PAK5: variants seen among roughly 807,000 people sequenced by gnomAD.
PAK5 encodes p21 (RAC1) activated kinase 5, also known as serine/threonine-protein kinase PAK 5.
In PAK5, 16 loss-of-function variants were observed where a neutral mutation model predicts 65.9. The observed-to-expected ratio is 0.24, with a 90% CI of 0.16 to 0.37. The LOEUF is 0.37. PAK5 is among the 10% of genes least tolerant of loss of function. The pLI is 1.00. For missense variants in PAK5, 785 were observed against 903.9 expected (o/e 0.87, Z 1.69); for synonymous variants, 371 against 354.9 (o/e 1.05, Z -0.51).
At chr20:9,640,897 G>A (rs562566706) in intron 3 of PAK5, among the ~76,000 whole-genome samples, 5 of 152,190 alleles carry the variant, frequency 3.3e-5, no homozygotes, top group African/African-American at 7.2e-5. Flanking sequence ...GTGTGGCCCC[G>A]AAGAGTGAGC....
intron 2 of PAK5, among the ~76,000 whole-genome samples, chr20:9,669,378 C>T (rs73241000): frequency 0.011 from 1,633 of 152,044 alleles, 19 homozygotes; most frequent in African/African-American, 0.037. Context: ...ACTGAATTTC[C>T]CTTTTTAACT....
intron 3 of PAK5, among the ~76,000 whole-genome samples, chr20:9,638,840 G>T (rs1018902511): frequency 1.3e-5 from 2 of 152,122 alleles, no homozygotes; most frequent in Non-Finnish European, 2.9e-5. Flanking sequence ...TTTCCACTCG[G>T]AACTAGCTTG....
At chr20:9,641,870 C>CT (rs1245311759) in intron 3 of PAK5, among the ~76,000 whole-genome samples, 8 of 152,292 alleles carry the variant, frequency 5.3e-5, no homozygotes, top group Non-Finnish European at 7.4e-5. Flanking sequence ...GCAGGGCTGG[C>CT]TGGGTGCTCC....
In PAK5 at chr20:9,537,868, T is replaced by C. The variant is rs1049182516; in HGVS notation, c.*1594A>G. The C allele has an allele frequency of 6.1e-5, 14 of 228,456 alleles. No individual in the cohort carries two copies. Among genetic ancestry groups the C allele is most frequent in the Admixed American group, 1.7e-4 (3 of 17,620 alleles). 14.2% of individuals were successfully genotyped at this position (228,456 alleles called of 1,614,324 possible). ...ATCTAATCAGTAGAAGGTCATTTTA[T>C]GCCTTTTTTCCTTTTTAGCAGTGAT... is the stretch of plus-strand genomic sequence containing the variant. On this transcript the variant is annotated 3_prime_UTR_variant, in exon 10 of 10. Transcript: ENST00000353224.
intron 7 of PAK5, among the ~76,000 whole-genome samples, chr20:9,549,555 T>G (rs1008580461): frequency 1.3e-5 from 2 of 152,118 alleles, no homozygotes; most frequent in African/African-American, 4.8e-5. Flanking sequence ...AAAACAGGTG[T>G]AGACATGCTG....
intron 8 of PAK5, among the ~76,000 whole-genome samples, chr20:9,543,208 G>A (rs528753206): frequency 6.6e-6 from 1 of 152,084 alleles, no homozygotes; most frequent in Non-Finnish European, 1.5e-5. Context: ...CCCCTACTTT[G>A]GGATTTCCTT....
At chr20:9,703,944 G>A (rs538865697) in intron 2 of PAK5, among the ~76,000 whole-genome samples, 18 of 152,272 alleles carry the variant, frequency 1.2e-4, no homozygotes, top group Non-Finnish European at 2.2e-4. Context: ...TAAGGCACCT[G>A]CTTCAGGTGA....
intron 1 of PAK5, among the ~76,000 whole-genome samples, chr20:9,728,187 C>T (rs902273396): frequency 2.0e-5 from 3 of 151,898 alleles, no homozygotes; most frequent in African/African-American, 7.3e-5. Flanking sequence ...CCATTCCTTC[C>T]ACCACATGAA....
chr20:9,669,660 C>T (rs373027369), intron 2 of PAK5, among the ~76,000 whole-genome samples: 55 of 152,234 alleles, frequency 3.6e-4, no homozygotes, highest in Middle Eastern at 3.4e-3. Context: ...TGGCCACAAG[C>T]TAATTCCAAT....
chr20:9,701,639 A>T (rs1000085704), intron 2 of PAK5, among the ~76,000 whole-genome samples: 13 of 152,174 alleles, frequency 8.5e-5, no homozygotes, highest in African/African-American at 2.9e-4. Context: ...GGTAGTATGC[A>T]GTCTAGGTAA....
chr20:9,734,550 ATG>A (rs2123563896), intron 1 of PAK5, among the ~76,000 whole-genome samples: 1 of 140,904 alleles, frequency 7.1e-6, no homozygotes, highest in East Asian at 2.1e-4. Flanking sequence ...ACACGCGCAC[ATG>A]CACACACACA....
At chr20:9,713,223 A>G (rs952119236) in intron 1 of PAK5, among the ~76,000 whole-genome samples, 7 of 152,204 alleles carry the variant, frequency 4.6e-5, no homozygotes, top group Admixed American at 2.0e-4. Flanking sequence ...ACATTTCTCA[A>G]AAGAAGACAT....
intron 2 of PAK5, among the ~76,000 whole-genome samples, chr20:9,686,591 T>C (rs1230126014): frequency 6.6e-6 from 1 of 152,092 alleles, no homozygotes; most frequent in Non-Finnish European, 1.5e-5. Flanking sequence ...CCTTCTATGA[T>C]TACAGCTCCT....
intron 2 of PAK5, among the ~76,000 whole-genome samples, chr20:9,687,891 G>GTGTC (rs1185655559): frequency 7.4e-6 from 1 of 135,386 alleles, no homozygotes; most frequent in African/African-American, 3.3e-5. Flanking sequence ...AGGGAGGTGT[G>GTGTC]TGTGTGTGTG....
intron 3 of PAK5, among the ~76,000 whole-genome samples, chr20:9,628,232 C>T (rs573617425): frequency 6.6e-6 from 1 of 152,164 alleles, no homozygotes; most frequent in East Asian, 1.9e-4. Context: ...ATATCCACTT[C>T]TAACAGATGA....
chr20:9,541,901 G>A (rs1047482454), intron 9 of PAK5, among the ~76,000 whole-genome samples: 3 of 152,134 alleles, frequency 2.0e-5, no homozygotes, highest in Non-Finnish European at 2.9e-5. Flanking sequence ...TCTCTCTCCT[G>A]CCACCATGTA....
At chr20:9,602,455 C>T (rs548353483) in intron 3 of PAK5, among the ~76,000 whole-genome samples, 1 of 152,236 alleles carries the variant, frequency 6.6e-6, no homozygotes, top group African/African-American at 2.4e-5. Flanking sequence ...TGGAGCACAG[C>T]CCCTTGGTGT....
chr20:9,666,906 C>G (rs1199502259), intron 2 of PAK5, among the ~76,000 whole-genome samples: 1 of 152,180 alleles, frequency 6.6e-6, no homozygotes, highest in East Asian at 1.9e-4. Context: ...AACCATGATG[C>G]CACATTTCTC....
At chr20:9,573,838 T>C (rs2045837244) in intron 4 of PAK5, among the ~76,000 whole-genome samples, 1 of 151,366 alleles carries the variant, frequency 6.6e-6, no homozygotes, top group South Asian at 2.1e-4. Flanking sequence ...TTACAGGGAG[T>C]GGGCGGCAGC....
Sources: gnomAD v4.1 joint callset for allele counts (sites outside exome capture counted in the v4.1 genomes callset) on GRCh38, gnomAD v4.1.1 for gene constraint, MANE v1.5 for transcripts, NCBI Gene and HGNC (gene_info 2026-07-23, HGNC 2026-07-21) for gene names.